Variants in BMX observed in about 807,000 individuals in gnomAD.
BMX encodes BMX non-receptor tyrosine kinase.
BMX carries 31 observed loss-of-function variants against 59.2 expected under a neutral mutation model. That is an observed-to-expected ratio of 0.52 (90% CI 0.39 to 0.71). The LOEUF is 0.71. BMX is among the 30% of genes least tolerant of loss of function. The pLI, the probability that BMX is intolerant of heterozygous loss-of-function variation, is 0.00. For missense variants in BMX, 474 were observed against 491.7 expected, an observed-to-expected ratio of 0.96 and a Z score of 0.34; for synonymous variants, 185 against 181.0, an observed-to-expected ratio of 1.02 and a Z score of -0.18.
intron 6 of BMX, among the ~76,000 whole-genome samples, chrX:15,521,203 C>T (rs1266880618): frequency 9.0e-6 from 1 of 111,627 alleles, no homozygotes; most frequent in Admixed American, 9.5e-5. Flanking sequence ...CCTGATGTTC[C>T]CTTTCAGTCA....
chrX:15,508,954 T>A (rs746758908), intron 2 of BMX, among the ~76,000 whole-genome samples: 1 of 112,045 alleles, frequency 8.9e-6, no homozygotes, highest in East Asian at 2.8e-4. Flanking sequence ...ATAAGACTAT[T>A]CCTGTACAGT....
At position 15,522,202 on chromosome X, in the gene BMX, C is replaced by T. The variant is rs1298067625; in HGVS notation, c.511-144C>T. ...ACCTTTCTTCTTTCCTTGCCTCTTTCCTTCCTCCCTTCCTCCCTCCCTTCC... is the reference window on the plus strand; with the variant it reads ...ACCTTTCTTCTTTCCTTGCCTCTTTTCTTCCTCCCTTCCTCCCTCCCTTCC... On this transcript the variant is annotated intron_variant, in intron 6 of 18. Coordinates refer to ENST00000348343, the MANE Select transcript of BMX (RefSeq NM_203281.3). The T allele has an allele frequency of 5.3e-6, 4 of 760,276 alleles. No individual in the cohort carries two copies. The South Asian group carries it at 8.3e-5, about 16-fold the overall frequency. The allele number at this position is 760,276 out of a possible 1,213,427, so 62.7% of individuals were successfully genotyped here.
chrX:15,526,216 A>T (rs1924717040), intron 9 of BMX, 121 bp downstream of exon 9: 3 of 551,543 alleles, frequency 5.4e-6, no homozygotes, highest in Non-Finnish European at 8.3e-6. Context: ...TACATGGGTA[A>T]ACTCACGTAA....
intron 3 of BMX, among the ~76,000 whole-genome samples, chrX:15,510,798 A>G (rs1446226786): frequency 6.2e-5 from 7 of 112,533 alleles, no homozygotes; most frequent in Non-Finnish European, 1.3e-4. Flanking sequence ...ATATTTACCA[A>G]CAAGAGTTGA....
chrX:15,521,793 T>C (rs1422527626), intron 6 of BMX, among the ~76,000 whole-genome samples: 6 of 111,508 alleles, frequency 5.4e-5, no homozygotes, highest in African/African-American at 2.0e-4. Context: ...AGTTGCCCCA[T>C]CTCGAAATCC....
intron 17 of BMX, among the ~76,000 whole-genome samples, chrX:15,547,830 A>C (rs940374390): frequency 1.8e-5 from 2 of 112,307 alleles, no homozygotes; most frequent in African/African-American, 6.5e-5. Flanking sequence ...TTGTGAGAAT[A>C]TCAAGGCTAT....
At chrX:15,517,387 TA>T (rs1206377971) in intron 5 of BMX, among the ~76,000 whole-genome samples, 1 of 112,060 alleles carries the variant, frequency 8.9e-6, no homozygotes, top group African/African-American at 3.2e-5. Flanking sequence ...CTATTATCAT[TA>T]CCTAGCAGGT....
At chrX:15,538,966 G>C (rs1925516500) in intron 14 of BMX, among the ~76,000 whole-genome samples, 1 of 111,103 alleles carries the variant, frequency 9.0e-6, no homozygotes, top group Admixed American at 9.6e-5. Flanking sequence ...CCCTGTGCTT[G>C]GTTTAATGCT....
rs749131478 is a variant in BMX at position 15,516,178 on chromosome X, T to G, written c.392T>G (p.Leu131Arg). 8 of 1,210,141 alleles carry G rather than the reference T, an allele frequency of 6.6e-6. No individual in the cohort carries two copies. The highest frequency in any genetic ancestry group is 7.8e-6 in the Non-Finnish European group (7 of 894,916). The change falls in exon 5 of 19, where the codon CTG (leucine) becomes CGG (arginine). Residue 131 changes from leucine to arginine, a missense_variant. Transcript: ENST00000348343. The part of the protein sequence containing the change: ...HSGFFVDGKF[L>R]CCQQSCKAAP... ...GGGTTCTTCGTGGACGGGAAGTTCC[T>G]GTGTTGCCAGCAGAGCTGTAAAGCA...
Position 15,526,857 on chromosome X carries a change from A to T in BMX, c.884+762A>T, listed in dbSNP as rs569755097. Among the ~76,000 whole-genome samples the T allele has an allele frequency of 2.7e-5, 3 of 111,162 alleles. No homozygotes were observed. The South Asian group carries it at 1.1e-3, about 42-fold the overall frequency. On this transcript the variant is annotated intron_variant, in intron 9 of 18. Coordinates refer to ENST00000348343, the MANE Select transcript of BMX (RefSeq NM_203281.3). ...CGCCTCGGCCTCCCAAAGTGCTGGG[A>T]TTACAGGCGTGAGCCACCTCACCCA...
At chrX:15,555,419 G>T (rs183651975) in intron 18 of BMX, among the ~76,000 whole-genome samples, 4 of 109,617 alleles carry the variant, frequency 3.6e-5, no homozygotes, top group African/African-American at 1.3e-4. Flanking sequence ...ATGTTGTTCA[G>T]GATGGTCTCG....
chrX:15,511,484 G>A lies in BMX; in HGVS notation c.291G>A (p.Glu97=). Residue 97 remains glutamate, a synonymous_variant, in exon 4 of 19, where the codon GAG becomes GAA. Transcript: ENST00000348343. ...TCTATGTCTATGCATCAAATGAAGA[G>A]AGCCGAAGTCAGTGGTTGAAAGCAT... ...GLLYVYASNE[E]SRSQWLKALQ... is the part of the protein sequence containing the mutation. 7 of 1,206,418 alleles carry A rather than the reference G, an allele frequency of 5.8e-6. No individual in the cohort carries two copies. Among genetic ancestry groups the A allele is most frequent in the Non-Finnish European group, 6.7e-6 (6 of 892,590 alleles).
intron 4 of BMX, among the ~76,000 whole-genome samples, chrX:15,515,210 T>C (rs1318159417): frequency 2.7e-5 from 3 of 109,495 alleles, no homozygotes; most frequent in African/African-American, 1.0e-4. Flanking sequence ...ATGGGGGGCT[T>C]AAAACCTAGA....
intron 4 of BMX, among the ~76,000 whole-genome samples, chrX:15,512,484 T>C (rs2147106293): frequency 8.9e-6 from 1 of 111,805 alleles, no homozygotes; most frequent in African/African-American, 3.3e-5. Context: ...AATTTTTCCT[T>C]TGCATAAAAA....
chrX:15,511,627 G>T (rs1384152533), intron 4 of BMX, 109 bp downstream of exon 4: 1 of 570,282 alleles, frequency 1.8e-6, no homozygotes, highest in African/African-American at 2.4e-5. Flanking sequence ...AAGACTCAAT[G>T]CCAAGAGACA....
At position 15,509,414 on chromosome X, in the gene BMX, AG is replaced by A. The variant is rs1175025324; in HGVS notation, c.225del (p.Arg76AspfsTer28). ...KVNLEEQTPVERQYPFQIVYK... is the reference protein window; with the variant it reads ...KVNLEEQTPVXRQYPFQIVYK... ...AATCTCGAGGAGCAGACGCCTGTAG[AG>A]AGACAGTACCCATTTCAGGTAAAGG... is the stretch of plus-strand genomic sequence containing the variant. On this transcript the variant is annotated frameshift_variant, in exon 3 of 19. Transcript: ENST00000348343. LOFTEE classifies it high-confidence loss of function. The A allele has an allele frequency of 8.3e-7, 1 of 1,202,645 alleles. No individual in the cohort carries two copies. Among genetic ancestry groups the A allele is most frequent in the Non-Finnish European group, 1.1e-6 (1 of 888,894 alleles).
intron 14 of BMX, 151 bp downstream of exon 14, chrX:15,537,456 A>G (rs1925421577): frequency 1.7e-6 from 1 of 593,429 alleles, no homozygotes; most frequent in Admixed American, 4.5e-5. Flanking sequence ...TTGAACTAAC[A>G]GACTATTAAA....
chrX:15,505,156 G>T (rs1484356980), intron 1 of BMX, among the ~76,000 whole-genome samples: 1 of 112,264 alleles, frequency 8.9e-6, no homozygotes, highest in African/African-American at 3.2e-5. Flanking sequence ...AGAGACCACA[G>T]AAATGTTTTC....
rs762429982 is a variant in BMX, at chrX:15,550,753, C to T, written c.1953+756C>T. On this transcript the variant is annotated intron_variant, in intron 18 of 18. Coordinates refer to ENST00000348343, the MANE Select transcript of BMX (RefSeq NM_203281.3). ...ACCAAGCAGTTTATAATTATGTGCC[C>T]AAATTAGAAAGACAAGGTTTTTGCC... 5.5e-5 allele frequency among the ~76,000 whole-genome samples: 6 copies of T among 108,362 alleles called. No individual in the cohort carries two copies. In the East Asian group the frequency reaches 1.7e-3, roughly 32 times the overall value. The allele number at this position is 108,362 out of a possible 115,157, so 94.1% of individuals were successfully genotyped here. A position where few individuals can be genotyped will look rare whatever the true frequency, so the allele number is the denominator to read the frequency against.
Sources: allele counts gnomAD v4.1 joint callset (sites outside exome capture counted in the v4.1 genomes callset), GRCh38; gene constraint gnomAD v4.1.1; transcripts MANE v1.5; gene names NCBI Gene and HGNC (gene_info 2026-07-23, HGNC 2026-07-21).